The following GRXCR1 variants were observed in gnomAD, a reference collection of about 807,000 sequenced individuals.
GRXCR1 encodes the protein glutaredoxin and cysteine rich domain containing 1.
GRXCR1 carries 27 observed loss-of-function variants against 27.3 expected under a neutral mutation model. The ratio of observed to expected loss-of-function variants is 0.99; its 90% confidence interval spans 0.73 to 1.37. The LOEUF (loss-of-function observed/expected upper bound fraction) is 1.37. Among genes scored for constraint, GRXCR1 ranks in the 40% most tolerant of loss-of-function variants. The pLI is 0.00. For missense variants in GRXCR1, 379 were observed against 354.4 expected, an observed-to-expected ratio of 1.07 and a Z score of -0.56; for synonymous variants, 122 against 131.1, an observed-to-expected ratio of 0.93 and a Z score of 0.47.
intron 1 of GRXCR1, among the ~76,000 whole-genome samples, chr4:42,922,575 G>A (rs1389573265): frequency 6.6e-6 from 1 of 152,064 alleles, no homozygotes; most frequent in Non-Finnish European, 1.5e-5. Context: ...TTTCAGATAT[G>A]TATGTCCCCA....
At chr4:42,983,375 G>T (rs1301077199) in intron 2 of GRXCR1, among the ~76,000 whole-genome samples, 1 of 149,834 alleles carries the variant, frequency 6.7e-6, no homozygotes, top group Admixed American at 6.7e-5. Flanking sequence ...TAGATATGCG[G>T]CGTTATTTCT....
intron 2 of GRXCR1, among the ~76,000 whole-genome samples, chr4:42,965,940 T>C (rs935871832): frequency 1.3e-5 from 2 of 151,468 alleles, no homozygotes; most frequent in Non-Finnish European, 1.5e-5. Context: ...AATAACAGAG[T>C]TTAATGGACA....
At chr4:43,017,783 T>C (rs959136830) in intron 2 of GRXCR1, among the ~76,000 whole-genome samples, 2 of 152,208 alleles carry the variant, frequency 1.3e-5, no homozygotes, top group Admixed American at 6.5e-5. Context: ...CAGGAAAAGA[T>C]AATTTCCTAA....
In GRXCR1 at chr4:43,020,429, C is replaced by G. The variant is rs764822076; in HGVS notation, c.693+10C>G. ...CCTAACCAAAATTGAGGTAAATGTG[C>G]TTTCAGCAACTTAGTTTTAGTAATC... On this transcript the variant is annotated intron_variant, in intron 3 of 3. Coordinates refer to ENST00000399770, the MANE Select transcript of GRXCR1 (RefSeq NM_001080476.3). The G allele has an allele frequency of 1.9e-6, 3 of 1,545,618 alleles. No individual in the cohort carries two copies. In the South Asian group the frequency reaches 3.3e-5, roughly 17 times the overall value.
intron 2 of GRXCR1, among the ~76,000 whole-genome samples, chr4:42,971,334 A>G (rs1237755292): frequency 6.6e-6 from 1 of 152,112 alleles, no homozygotes; most frequent in African/African-American, 2.4e-5. Flanking sequence ...ATATATGTTT[A>G]TAGCAATGCT....
At chr4:42,942,479 T>C (rs1304686566) in intron 1 of GRXCR1, among the ~76,000 whole-genome samples, 2 of 152,026 alleles carry the variant, frequency 1.3e-5, no homozygotes, top group South Asian at 2.1e-4. Context: ...TTGACAGTCA[T>C]AAGAATAGGC....
At chr4:42,926,939 A>G (rs1339465072) in intron 1 of GRXCR1, among the ~76,000 whole-genome samples, 2 of 152,092 alleles carry the variant, frequency 1.3e-5, no homozygotes, top group East Asian at 3.9e-4. Flanking sequence ...CACAGCTTAC[A>G]GTGCTGGAAA....
At chr4:42,977,056 G>GA (rs1262861218) in intron 2 of GRXCR1, among the ~76,000 whole-genome samples, 1 of 151,956 alleles carries the variant, frequency 6.6e-6, no homozygotes, top group African/African-American at 2.4e-5. Flanking sequence ...ATATATCTGA[G>GA]ATCATGTGCA....
chr4:42,993,252 A>G (rs1389388644), intron 2 of GRXCR1, among the ~76,000 whole-genome samples: 2 of 152,128 alleles, frequency 1.3e-5, no homozygotes, highest in Non-Finnish European at 2.9e-5. Flanking sequence ...TCTGAAAAAC[A>G]TTCCCTTTAT....
chr4:42,964,753 C>A (rs562899262), intron 2 of GRXCR1, among the ~76,000 whole-genome samples: 19 of 152,050 alleles, frequency 1.2e-4, no homozygotes, highest in African/African-American at 4.6e-4. Flanking sequence ...GGTCTTAATG[C>A]AAAGTAAGTT....
At position 42,915,272 on chromosome 4, in the gene GRXCR1, C is replaced by T. The variant is rs1177405486; in HGVS notation, c.384+21622C>T. 5.9e-5 allele frequency among the ~76,000 whole-genome samples: 9 copies of T among 152,052 alleles called. No homozygotes were observed. The South Asian group carries it at 6.2e-4, about 11-fold the overall frequency. ...ATCATAGCAAAGAATGGGATGGGAACGATGCAAGGCCATGAAAATCTGAAG... is the reference window on the plus strand; with the variant it reads ...ATCATAGCAAAGAATGGGATGGGAATGATGCAAGGCCATGAAAATCTGAAG... On this transcript the variant is annotated intron_variant, in intron 1 of 3. Transcript: ENST00000399770.
chr4:42,910,090 A>G (rs1746687486), intron 1 of GRXCR1, among the ~76,000 whole-genome samples: 1 of 152,272 alleles, frequency 6.6e-6, no homozygotes, highest in Middle Eastern at 3.4e-3. Flanking sequence ...TACATCTTAC[A>G]TGGCAGCAGA....
chr4:43,008,480 G>C (rs991511389), intron 2 of GRXCR1, among the ~76,000 whole-genome samples: 1 of 152,186 alleles, frequency 6.6e-6, no homozygotes, highest in African/African-American at 2.4e-5. Context: ...CAAGATCTAT[G>C]ACCAGATTTA....
intron 1 of GRXCR1, among the ~76,000 whole-genome samples, chr4:42,915,642 C>A (rs574102473): frequency 6.6e-6 from 1 of 151,966 alleles, no homozygotes; most frequent in Admixed American, 6.6e-5. Context: ...TATCTTGACA[C>A]GTCTCATATA....
chr4:42,948,867 G>T (rs938742250), intron 1 of GRXCR1, among the ~76,000 whole-genome samples: 1 of 152,092 alleles, frequency 6.6e-6, no homozygotes, highest in Admixed American at 6.5e-5. Context: ...GGCAAGACAA[G>T]GAATTCTCCC....
At chr4:43,003,400 A>C (rs1237210153) in intron 2 of GRXCR1, among the ~76,000 whole-genome samples, 1 of 152,226 alleles carries the variant, frequency 6.6e-6, no homozygotes, top group Non-Finnish European at 1.5e-5. Context: ...ACCTGAAAAC[A>C]TGGAAGCAAC....
intron 1 of GRXCR1, among the ~76,000 whole-genome samples, chr4:42,915,527 G>T (rs1415972315): frequency 1.3e-5 from 2 of 152,024 alleles, no homozygotes; most frequent in Non-Finnish European, 2.9e-5. Flanking sequence ...TATCTTAAAT[G>T]GTGATTTAAG....
intron 1 of GRXCR1, among the ~76,000 whole-genome samples, chr4:42,922,007 C>T (rs1284824854): frequency 6.6e-6 from 1 of 152,134 alleles, no homozygotes; most frequent in Non-Finnish European, 1.5e-5. Flanking sequence ...AGATTTCTCT[C>T]TGTTGCCTGC....
chr4:43,025,571 G>A (rs1194234708), intron 3 of GRXCR1, among the ~76,000 whole-genome samples: 11 of 152,222 alleles, frequency 7.2e-5, no homozygotes, highest in Admixed American at 7.2e-4. Context: ...TCAGAGGAGA[G>A]GAGACACAGT....
Sources: gnomAD v4.1 joint callset for allele counts (sites outside exome capture counted in the v4.1 genomes callset) on GRCh38, gnomAD v4.1.1 for gene constraint, MANE v1.5 for transcripts, NCBI Gene and HGNC (gene_info 2026-07-23, HGNC 2026-07-21) for gene names.